The following COL5A2 variants were observed in gnomAD, a reference collection of about 807,000 sequenced individuals.
COL5A2 encodes the protein collagen type V alpha 2 chain, also known as collagen alpha-2(V) chain.
In COL5A2, 23 loss-of-function variants were observed where a neutral mutation model predicts 208.2. That is an observed-to-expected ratio of 0.11 (90% CI 0.08 to 0.16). COL5A2 has a LOEUF of 0.16. Among genes scored for constraint, COL5A2 ranks in the 10% least tolerant of loss-of-function variants. The pLI, the probability that COL5A2 is intolerant of heterozygous loss-of-function variation, is 1.00. For synonymous variants in COL5A2, 625 were observed against 628.5 expected, an observed-to-expected ratio of 0.99 and a Z score of 0.08; for missense variants, 1,590 against 1,956.4, an observed-to-expected ratio of 0.81 and a Z score of 3.53.
intron 25 of COL5A2, 28 bp downstream of exon 25, chr2:189,064,529 A>G: frequency 6.6e-7 from 1 of 1,517,382 alleles, no homozygotes; most frequent in Non-Finnish European, 9.2e-7. Flanking sequence ...CTCCCCTTTG[A>G]TGTAGCAAAC....
chr2:189,092,278 G>T, intron 7 of COL5A2, 32 bp downstream of exon 7: 1 of 1,274,450 alleles, frequency 7.8e-7, no homozygotes, highest in Non-Finnish European at 1.1e-6. Flanking sequence ...AACATGACCT[G>T]TACGTGACAT....
the COL5A2 span, among the ~76,000 whole-genome samples, chr2:189,371,691 A>G: frequency 1.3e-5 from 2 of 152,346 alleles, no homozygotes; most frequent in African/African-American, 4.8e-5. Context: ...CAAAGCATTC[A>G]GTGTGTGGCC....
the COL5A2 span, among the ~76,000 whole-genome samples, chr2:189,426,190 A>C: frequency 6.6e-6 from 1 of 152,144 alleles, no homozygotes; most frequent in Non-Finnish European, 1.5e-5. Flanking sequence ...TTATGACCCA[A>C]ATGCTGATAG....
intron 18 of COL5A2, among the ~76,000 whole-genome samples, chr2:189,071,372 A>T (rs889405802): frequency 2.0e-5 from 3 of 152,218 alleles, no homozygotes; most frequent in African/African-American, 7.2e-5. Flanking sequence ...TTCTGAATTA[A>T]TTCACCAGTT....
chr2:189,330,058 G>A, the COL5A2 span, among the ~76,000 whole-genome samples: 1 of 152,090 alleles, frequency 6.6e-6, no homozygotes, highest in African/African-American at 2.4e-5. Context: ...GTGTGGGCTG[G>A]TCTAACAGTC....
At chr2:189,330,598 C>A in the COL5A2 span, among the ~76,000 whole-genome samples, 2 of 152,248 alleles carry the variant, frequency 1.3e-5, no homozygotes, top group South Asian at 4.2e-4. Context: ...AAATCTCTGT[C>A]CGTTGAGAAA....
intron 10 of COL5A2, among the ~76,000 whole-genome samples, chr2:189,085,424 T>C (rs531333048): frequency 5.9e-5 from 9 of 152,318 alleles, no homozygotes; most frequent in African/African-American, 2.2e-4. Context: ...AGAAGTATAA[T>C]TGCACAAAAG....
chr2:189,198,048 A>G (rs139291168), intron 1 of COL5A2, among the ~76,000 whole-genome samples: 4,301 of 152,104 alleles, frequency 0.028, 86 homozygotes, highest in Middle Eastern at 0.078. Context: ...ACGGGGTTTC[A>G]CCATGTTAGC....
At chr2:189,254,626 G>A in the COL5A2 span, among the ~76,000 whole-genome samples, 4 of 152,160 alleles carry the variant, frequency 2.6e-5, no homozygotes, top group Admixed American at 6.5e-5. Context: ...CTGGGCCCCT[G>A]GCAGCACAAC....
chr2:189,059,585 G>GGTTTTTTTTTTTTTT (rs1553515032), intron 31 of COL5A2, among the ~76,000 whole-genome samples: 1 of 28,594 alleles, frequency 3.5e-5, no homozygotes, highest in Non-Finnish European at 7.4e-5. Flanking sequence ...TTCTTTTCTG[G>GGTTTTTTTTTTTTTT]TTTTTTTTTT....
the COL5A2 span, among the ~76,000 whole-genome samples, chr2:189,334,401 C>A: frequency 6.6e-6 from 1 of 151,922 alleles, no homozygotes; most frequent in African/African-American, 2.4e-5. Context: ...TTAGCAAGGT[C>A]TCAGAGTACA....
At chr2:189,087,902 A>G (rs1226839576) in intron 8 of COL5A2, among the ~76,000 whole-genome samples, 1 of 152,124 alleles carries the variant, frequency 6.6e-6, no homozygotes, top group East Asian at 1.9e-4. Flanking sequence ...CAACTCAAAA[A>G]AAAGTTCCCA....
Position 189,098,227 on chromosome 2 carries a change from T to C in COL5A2, c.402+500A>G, listed in dbSNP as rs149414512. 1.8e-3 allele frequency among the ~76,000 whole-genome samples: 280 copies of C among 152,348 alleles called. 2 individuals carry two copies. The South Asian group carries it at 0.033, about 18-fold the overall frequency. ...GTATTTTAAGCTGATTTGATGTGTT[T>C]AACATTTACATGAAGTGTGTGTATA... On this transcript the variant is annotated intron_variant, in intron 5 of 53. Transcript: ENST00000374866.
chr2:189,148,095 A>G (rs1688074767), intron 1 of COL5A2, among the ~76,000 whole-genome samples: 1 of 152,174 alleles, frequency 6.6e-6, no homozygotes, highest in African/African-American at 2.4e-5. Flanking sequence ...CATTCACAAA[A>G]AATTATGTTA....
At chr2:189,401,099 T>C in the COL5A2 span, among the ~76,000 whole-genome samples, 1 of 152,266 alleles carries the variant, frequency 6.6e-6, no homozygotes. Context: ...ATGTGCAGGT[T>C]TGTTACATAG....
intron 35 of COL5A2, 29 bp from the exon 36 acceptor site, chr2:189,054,241 G>A: frequency 1.3e-6 from 2 of 1,572,904 alleles, no homozygotes; most frequent in Non-Finnish European, 1.7e-6. Flanking sequence ...TAGGCATATT[G>A]AGGTAAAAAA....
intron 9 of COL5A2, among the ~76,000 whole-genome samples, chr2:189,086,154 T>C (rs775139682): frequency 3.9e-4 from 60 of 152,134 alleles, no homozygotes; most frequent in Non-Finnish European, 7.6e-4. Context: ...ACAATGACAA[T>C]GTGGTAACCT....
chr2:189,145,980 C>T (rs553374514), intron 1 of COL5A2, among the ~76,000 whole-genome samples: 5 of 152,028 alleles, frequency 3.3e-5, no homozygotes, highest in Non-Finnish European at 5.9e-5. Flanking sequence ...AGTAGAATTA[C>T]ATTGAAGGCA....
chr2:189,438,697 G>A, the COL5A2 span, among the ~76,000 whole-genome samples: 9 of 152,142 alleles, frequency 5.9e-5, no homozygotes. Flanking sequence ...AAATACTGGG[G>A]AATTCTTTGA....
Sources: allele counts gnomAD v4.1 joint callset (sites outside exome capture counted in the v4.1 genomes callset), GRCh38; gene constraint gnomAD v4.1.1; transcripts MANE v1.5; gene names NCBI Gene and HGNC (gene_info 2026-07-23, HGNC 2026-07-21).